NECTIN1: variants seen among roughly 807,000 people sequenced by gnomAD.
NECTIN1 encodes nectin cell adhesion molecule 1, also known as nectin-1.
Under a neutral mutation model 48.0 loss-of-function variants are expected in NECTIN1, and 23 were observed. The ratio of observed to expected loss-of-function variants is 0.48; its 90% CI spans 0.34 to 0.68. The LOEUF is 0.68. NECTIN1 is among the 30% of genes least tolerant of loss of function. The pLI is 0.01. For missense variants in NECTIN1, 591 were observed against 709.9 expected, an observed-to-expected ratio of 0.83 and a Z score of 1.90; for synonymous variants, 270 against 288.9, an observed-to-expected ratio of 0.93 and a Z score of 0.66.
intron 1 of NECTIN1, among the ~76,000 whole-genome samples, chr11:119,681,354 AGCCATTTTGGGATTGGT>A (rs1865058598): frequency 6.6e-6 from 1 of 152,150 alleles, no homozygotes; most frequent in South Asian, 2.1e-4. Flanking sequence ...GGGATCCAGG[AGCCATTTTGGGATTGGT>A]GCCATGCATG....
intron 5 of NECTIN1, among the ~76,000 whole-genome samples, chr11:119,670,732 C>T (rs1190666819): frequency 1.3e-5 from 2 of 150,818 alleles, no homozygotes; most frequent in African/African-American, 2.4e-5. Context: ...CTGCAACCTC[C>T]GCCTCCCAGG....
chr11:119,714,394 G>A (rs770100669), intron 1 of NECTIN1, among the ~76,000 whole-genome samples: 5 of 152,282 alleles, frequency 3.3e-5, no homozygotes, highest in South Asian at 2.1e-4. Flanking sequence ...CAGGTGACAC[G>A]GGAGGCTGCC....
chr11:119,710,561 G>T (rs1290350016), intron 1 of NECTIN1, among the ~76,000 whole-genome samples: 3 of 152,180 alleles, frequency 2.0e-5, no homozygotes, highest in African/African-American at 7.2e-5. Context: ...TGATGAATGT[G>T]GGGAGGAGAA....
At chr11:119,688,442 G>C (rs143063159) in intron 1 of NECTIN1, among the ~76,000 whole-genome samples, 8 of 152,006 alleles carry the variant, frequency 5.3e-5, no homozygotes, top group African/African-American at 1.4e-4. Context: ...CATTTTGGAG[G>C]GGGGGACTGT....
chr11:119,705,196 T>A (rs1865528111), intron 1 of NECTIN1, among the ~76,000 whole-genome samples: 1 of 152,168 alleles, frequency 6.6e-6, no homozygotes, highest in African/African-American at 2.4e-5. Flanking sequence ...CTTCATGTGA[T>A]TGCATGCAGA....
rs1865607509 is a variant in NECTIN1 at position 119,709,905 on chromosome 11, C to T, written c.79+18570G>A. ...GAATAGAACAGATGGTCTCCACTAGCCAAATTCCAATTAAACAGGGCAGAG... is the reference window on the plus strand; with the variant it reads ...GAATAGAACAGATGGTCTCCACTAGTCAAATTCCAATTAAACAGGGCAGAG... On this transcript the variant is annotated intron_variant, in intron 1 of 5. Transcript: ENST00000264025. The surrounding 1 kb of genome is among the most constrained non-coding windows in gnomAD (Gnocchi z 4.1). 1.3e-5 allele frequency: 2 copies of T among 152,218 alleles called. No homozygotes were observed. Among genetic ancestry groups the T allele is most frequent in the Non-Finnish European group, 2.9e-5 (2 of 68,094 alleles). 9.4% of individuals were successfully genotyped at this position (152,218 alleles called of 1,614,324 possible). A position where few individuals can be genotyped will look rare whatever the true frequency, so the allele number is the denominator to read the frequency against.
chr11:119,712,235 C>G (rs1865662352), intron 1 of NECTIN1, among the ~76,000 whole-genome samples: 1 of 152,118 alleles, frequency 6.6e-6, no homozygotes, highest in Non-Finnish European at 1.5e-5. Flanking sequence ...CAGGCATGCT[C>G]GTGGCTGGGT....
Position 119,683,476 on chromosome 11 carries a change from C to G in NECTIN1, c.80-4711G>C, listed in dbSNP as rs1032913174. On this transcript the variant is annotated intron_variant, in intron 1 of 5. Transcript: ENST00000264025. The surrounding 1 kb of genome is among the most constrained non-coding windows in gnomAD (Gnocchi z 4.0). Reference sequence around the variant, plus strand: ...CCATTGCCCCTTGTGAGAAATGGCACAAACACCAGCTACAATACTGGGGTG... The same window carrying G: ...CCATTGCCCCTTGTGAGAAATGGCAGAAACACCAGCTACAATACTGGGGTG... 1.3e-5 allele frequency among the ~76,000 whole-genome samples: 2 copies of G among 152,046 alleles called. No individual in the cohort carries two copies. The highest frequency in any genetic ancestry group is 2.9e-5 in the Non-Finnish European group (2 of 68,014).
rs1223057587 is a variant in NECTIN1, at chr11:119,677,635, T to G, written c.653A>C (p.Glu218Ala). The part of the protein sequence containing the change: ...ISRYRLVPSR[E>A]AHQQSLACIV... ...GCAGGCCAAGGACTGCTGGTGGGCTTCCCTGCTGGGCACCAGGCGGTAGCG... is the reference window on the plus strand; with the variant it reads ...GCAGGCCAAGGACTGCTGGTGGGCTGCCCTGCTGGGCACCAGGCGGTAGCG... The change falls in exon 3 of 6, where the codon GAA becomes GCA. Residue 218 changes from glutamate (E) to alanine (A), a missense_variant. By Grantham distance (107) the Glu-to-Ala change is moderately radical (BLOSUM62 -1). Coordinates refer to ENST00000264025, the MANE Select transcript of NECTIN1 (RefSeq NM_002855.5). This position sits in a 1 kb window ranked among gnomAD's most constrained non-coding sequence, Gnocchi z 5.4. The G allele has an allele frequency of 6.2e-7, 1 of 1,613,880 alleles. No homozygotes were observed. The highest frequency in any genetic ancestry group is 1.1e-5 in the South Asian group (1 of 91,066).
intron 5 of NECTIN1, chr11:119,642,732 GTATTTGCC>G (rs1321709129): frequency 6.5e-6 from 1 of 153,526 alleles, no homozygotes; most frequent in Non-Finnish European, 1.5e-5. Context: ...AAATGGTGTA[GTATTTGCC>G]TATAACCTAT....
chr11:119,693,493 G>T (rs1161329881), intron 1 of NECTIN1, among the ~76,000 whole-genome samples: 2 of 152,222 alleles, frequency 1.3e-5, no homozygotes, highest in African/African-American at 2.4e-5. Flanking sequence ...GCCAAGCTCT[G>T]TCCTTTCCCA....
chr11:119,676,870 C>A (rs1266618169), intron 4 of NECTIN1: 2 of 577,670 alleles, frequency 3.5e-6, no homozygotes, highest in South Asian at 2.0e-5. Context: ...ACAAAGGAAA[C>A]CCCTCTGGCA....
At position 119,662,412 on chromosome 11, in the gene NECTIN1, C is replaced by A; in HGVS notation, c.*2335G>T. On this transcript the variant is annotated 3_prime_UTR_variant, in exon 6 of 6. Transcript: ENST00000264025. This position sits in a 1 kb window ranked among gnomAD's most constrained non-coding sequence, Gnocchi z 5.3. ...GGCTGGGCCCCTGGCAAGTCAGGAG[C>A]CTCCTACGTGGCCCATGCTACATGG... The A allele has an allele frequency of 3.0e-6, 3 of 985,732 alleles. No individual in the cohort carries two copies. Among genetic ancestry groups the A allele is most frequent in the Non-Finnish European group, 3.6e-6 (3 of 829,940 alleles). 61.1% of individuals were successfully genotyped at this position (985,732 alleles called of 1,614,324 possible). A position where few individuals can be genotyped will look rare whatever the true frequency, so the allele number is the denominator to read the frequency against.
chr11:119,722,684 TG>T (rs1361311062), intron 1 of NECTIN1, among the ~76,000 whole-genome samples: 5 of 151,890 alleles, frequency 3.3e-5, no homozygotes, highest in Non-Finnish European at 7.4e-5. Context: ...GGCTCCCGAG[TG>T]GGGGCAGGGA....
rs1199869218 is a variant in NECTIN1 at position 119,684,186 on chromosome 11, C to T, written c.80-5421G>A. On this transcript the variant is annotated intron_variant, in intron 1 of 5. Coordinates refer to ENST00000264025, the MANE Select transcript of NECTIN1 (RefSeq NM_002855.5). This position sits in a 1 kb window ranked among gnomAD's most constrained non-coding sequence, Gnocchi z 5.2. Reference sequence around the variant, plus strand: ...CCTAGCCAAGCAGGCTGGAACTGGGCTCAGGGGTAGGTGAAAGTGGGTACC... The same window carrying T: ...CCTAGCCAAGCAGGCTGGAACTGGGTTCAGGGGTAGGTGAAAGTGGGTACC... Among the ~76,000 whole-genome samples the T allele has an allele frequency of 2.0e-5, 3 of 152,230 alleles. No individual in the cohort carries two copies. Among genetic ancestry groups the T allele is most frequent in the African/African-American group, 7.2e-5 (3 of 41,468 alleles).
At chr11:119,659,233 T>G (rs1026809549), downstream of NECTIN1, 1 of 152,244 alleles carries the variant, frequency 6.6e-6, no homozygotes, top group Non-Finnish European at 1.5e-5. Context: ...AGCATTGCAG[T>G]GCCAGAGTGG....
intron 1 of NECTIN1, among the ~76,000 whole-genome samples, chr11:119,714,579 G>A (rs1316872262): frequency 6.6e-6 from 1 of 152,148 alleles, no homozygotes; most frequent in Non-Finnish European, 1.5e-5. Context: ...CATCCCCGCT[G>A]TCCCCTGCCC....
chr11:119,678,610 C>T lies in NECTIN1; in HGVS notation c.235G>A (p.Ala79Thr). The change falls in exon 2 of 6, where the codon GCC (alanine) becomes ACC (threonine). Residue 79 changes from alanine to threonine, a missense_variant. By Grantham distance (58) the Ala-to-Thr change is moderately conservative (BLOSUM62 0). Transcript: ENST00000264025. This position sits in a 1 kb window ranked among gnomAD's most constrained non-coding sequence, Gnocchi z 4.4. The stretch of plus-strand genomic sequence containing the variant: ...ACGCCCATGGATGGGTTGTAGATGG[C>T]CACGTTCTGCTTGGAGCCATTGGTG... ...KSTNGSKQNV[A>T]IYNPSMGVSV... 6.2e-7 allele frequency: 1 copy of T among 1,614,146 alleles called. No homozygotes were observed. The highest frequency in any genetic ancestry group is 8.5e-7 in the Non-Finnish European group (1 of 1,180,026).
chr11:119,690,576 G>A (rs1057224107), intron 1 of NECTIN1, among the ~76,000 whole-genome samples: 3 of 152,192 alleles, frequency 2.0e-5, no homozygotes, highest in South Asian at 2.1e-4. Context: ...CAGCGCTGCC[G>A]GAGGTAGGCC....
Sources: allele counts gnomAD v4.1 joint callset (sites outside exome capture counted in the v4.1 genomes callset), GRCh38; gene constraint gnomAD v4.1.1; non-coding constraint Gnocchi (gnomAD v3.1); transcripts MANE v1.5; gene names NCBI Gene and HGNC (gene_info 2026-07-23, HGNC 2026-07-21).